METTL15: variants seen among roughly 807,000 people sequenced by gnomAD.
METTL15 encodes 12S rRNA N(4)-cytidine methyltransferase METTL15.
METTL15 carries 34 observed loss-of-function variants against 38.3 expected under a neutral mutation model. That is an observed-to-expected ratio of 0.89 (90% CI 0.68 to 1.18). The LOEUF is 1.18. Ranked by LOEUF, METTL15 falls within the 50% of genes most tolerant of loss-of-function variation. The pLI is 0.00. For missense variants in METTL15, 438 were observed against 498.4 expected, an observed-to-expected ratio of 0.88 and a Z score of 1.15; for synonymous variants, 162 against 170.9, an observed-to-expected ratio of 0.95 and a Z score of 0.41.
chr11:28,387,648 T>G (rs1850454532), intron 5 of METTL15, among the ~76,000 whole-genome samples: 1 of 152,032 alleles, frequency 6.6e-6, no homozygotes, highest in Non-Finnish European at 1.5e-5. Context: ...TTTCTGAAAC[T>G]CTTTCAAAAA....
At chr11:28,290,630 C>T (rs1856474783) in intron 5 of METTL15, among the ~76,000 whole-genome samples, 1 of 152,096 alleles carries the variant, frequency 6.6e-6, no homozygotes, top group Admixed American at 6.6e-5. Context: ...AAGAGGATAA[C>T]TTTCATACTG....
At chr11:28,272,258 C>T (rs1855673688) in intron 4 of METTL15, among the ~76,000 whole-genome samples, 2 of 152,154 alleles carry the variant, frequency 1.3e-5, no homozygotes, top group Non-Finnish European at 2.9e-5. Flanking sequence ...ACTATAAAGA[C>T]ACATGCACAC....
chr11:28,281,328 G>A lies in METTL15; in HGVS notation c.408-8878G>A, dbSNP rs536866180. Among the ~76,000 whole-genome samples, 218 of 152,214 alleles carry A rather than the reference G, an allele frequency of 1.4e-3. 1 individual carries two copies. Among genetic ancestry groups the A allele is most frequent in the Non-Finnish European group, 2.6e-3 (174 of 68,008 alleles). On this transcript the variant is annotated intron_variant, in intron 4 of 6. Transcript: ENST00000407364. ...GCTATTTCCTGGTCATATCCACCTG[G>A]ATGGGTCCTGAACTCTAATATTTAT... is the stretch of plus-strand genomic sequence containing the variant.
At chr11:28,411,957 A>G (rs1850731194) in intron 5 of METTL15, among the ~76,000 whole-genome samples, 1 of 152,126 alleles carries the variant, frequency 6.6e-6, no homozygotes, top group Non-Finnish European at 1.5e-5. Flanking sequence ...TTCCCTAAAG[A>G]AGATGTGAAG....
At chr11:28,475,026 T>G (rs186258601) in intron 6 of METTL15, among the ~76,000 whole-genome samples, 35 of 152,278 alleles carry the variant, frequency 2.3e-4, no homozygotes, top group Admixed American at 4.6e-4. Flanking sequence ...ATCGTTTTGA[T>G]AGCCAAAGGT....
At chr11:28,330,328 T>G in intron 6 of METTL15, 68 bp from the exon 7 acceptor site, 1 of 1,348,380 alleles carries the variant, frequency 7.4e-7, no homozygotes, top group East Asian at 2.5e-5. Context: ...ACACAATTCA[T>G]TAGATTTACA....
intron 5 of METTL15, among the ~76,000 whole-genome samples, chr11:28,418,867 C>T (rs767529629): frequency 2.0e-5 from 3 of 152,106 alleles, no homozygotes; most frequent in Non-Finnish European, 2.9e-5. Context: ...AAGAACATTT[C>T]GACCAGCCCT....
intron 4 of METTL15, among the ~76,000 whole-genome samples, chr11:28,228,589 T>TA (rs1555008325): frequency 6.6e-6 from 1 of 151,854 alleles, no homozygotes; most frequent in Non-Finnish European, 1.5e-5. Context: ...TATGTATACA[T>TA]ATATACATAT....
At chr11:28,217,383 T>C (rs1852938081) in intron 4 of METTL15, among the ~76,000 whole-genome samples, 1 of 152,242 alleles carries the variant, frequency 6.6e-6, no homozygotes, top group Non-Finnish European at 1.5e-5. Flanking sequence ...TCTGTTCGTA[T>C]CCTTTGCCCA....
intron 3 of METTL15, among the ~76,000 whole-genome samples, chr11:28,179,965 G>A (rs551454045): frequency 6.6e-6 from 1 of 151,788 alleles, no homozygotes; most frequent in South Asian, 2.1e-4. Context: ...TATGTCATTG[G>A]TATTAATTTG....
chr11:28,163,308 ATAT>A (rs1374984348), intron 3 of METTL15: 7 of 397,558 alleles, frequency 1.8e-5, no homozygotes, highest in East Asian at 3.6e-5. Context: ...TAAATTCTAA[ATAT>A]TATTATTTTA....
intron 6 of METTL15, among the ~76,000 whole-genome samples, chr11:28,515,323 T>C (rs545511883): frequency 6.6e-6 from 1 of 152,328 alleles, no homozygotes; most frequent in South Asian, 2.1e-4. Context: ...AAGGCAAAGC[T>C]AACTTACTTA....
At chr11:28,223,052 A>C (rs1441082769) in intron 4 of METTL15, among the ~76,000 whole-genome samples, 1 of 152,122 alleles carries the variant, frequency 6.6e-6, no homozygotes, top group Non-Finnish European at 1.5e-5. Context: ...ACTTTCATCT[A>C]TTTTGGGTGG....
At chr11:28,299,236 G>T (rs1856836572) in intron 6 of METTL15, among the ~76,000 whole-genome samples, 1 of 152,048 alleles carries the variant, frequency 6.6e-6, no homozygotes, top group Non-Finnish European at 1.5e-5. Context: ...ATAAGTTCTG[G>T]TTATAGTTTT....
chr11:28,238,729 G>T (rs778349145), intron 4 of METTL15, among the ~76,000 whole-genome samples: 60 of 152,292 alleles, frequency 3.9e-4, no homozygotes, highest in Middle Eastern at 3.4e-3. Context: ...GACCGGAGCT[G>T]TTCCTATTTG....
At chr11:28,381,885 G>T (rs1231978544) in intron 5 of METTL15, among the ~76,000 whole-genome samples, 1 of 151,710 alleles carries the variant, frequency 6.6e-6, no homozygotes, top group Non-Finnish European at 1.5e-5. Flanking sequence ...TTGTCCACTT[G>T]GGAAGGTCAA....
At chr11:28,441,813 T>C (rs777291091) in intron 6 of METTL15, among the ~76,000 whole-genome samples, 2 of 152,202 alleles carry the variant, frequency 1.3e-5, no homozygotes, top group South Asian at 2.1e-4. Context: ...AGCTTGGTAC[T>C]TGGGGCCCTT....
intron 5 of METTL15, among the ~76,000 whole-genome samples, chr11:28,380,266 C>G (rs752151787): frequency 6.8e-6 from 1 of 146,910 alleles, no homozygotes; most frequent in East Asian, 2.0e-4. Context: ...TTCCTGGGTT[C>G]ACACCATTCT....
intron 3 of METTL15, among the ~76,000 whole-genome samples, chr11:28,158,722 A>C (rs1458533361): frequency 1.3e-5 from 2 of 152,152 alleles, no homozygotes; most frequent in Non-Finnish European, 2.9e-5. Flanking sequence ...CAAGGCACTC[A>C]CTTTATGGCT....
Sources: gnomAD v4.1 joint callset for allele counts (sites outside exome capture counted in the v4.1 genomes callset) on GRCh38, gnomAD v4.1.1 for gene constraint, MANE v1.5 for transcripts, NCBI Gene and HGNC (gene_info 2026-07-23, HGNC 2026-07-21) for gene names.